The following SCAMP1 variants were observed in gnomAD, a reference collection of about 807,000 sequenced individuals.
The protein encoded by SCAMP1 is secretory carrier membrane protein 1.
Under a neutral mutation model 41.8 loss-of-function variants are expected in SCAMP1, and 15 were observed. The observed-to-expected ratio is 0.36, with a 90% confidence interval of 0.24 to 0.55. The LOEUF (loss-of-function observed/expected upper bound fraction) is 0.55. Ranked by LOEUF, SCAMP1 falls within the 20% of genes least tolerant of loss-of-function variation. The probability of loss-of-function intolerance (pLI) is 0.86; values close to 1 mark genes in which losing one functional copy is unlikely to be tolerated. For synonymous variants in SCAMP1, 135 were observed against 136.8 expected, an observed-to-expected ratio of 0.99 and a Z score of 0.09; for missense variants, 341 against 412.6, an observed-to-expected ratio of 0.83 and a Z score of 1.50.
intron 8 of SCAMP1, among the ~76,000 whole-genome samples, chr5:78,466,595 A>G (rs1753756794): frequency 6.6e-6 from 1 of 151,932 alleles, no homozygotes; most frequent in Admixed American, 6.6e-5. Flanking sequence ...AGCTGGGGCT[A>G]GGAGAATTGT....
chr5:78,446,578 G>A (rs1361610205), intron 6 of SCAMP1, among the ~76,000 whole-genome samples: 1 of 152,086 alleles, frequency 6.6e-6, no homozygotes, highest in East Asian at 1.9e-4. Flanking sequence ...CTTTAGAAGT[G>A]TCTGTTTCAA....
intron 2 of SCAMP1, among the ~76,000 whole-genome samples, chr5:78,414,662 C>T (rs1261973883): frequency 1.3e-5 from 2 of 152,188 alleles, no homozygotes; most frequent in Non-Finnish European, 2.9e-5. Context: ...TATGTATATA[C>T]AGTAATTTAA....
chr5:78,446,922 G>A (rs1171408633), intron 6 of SCAMP1, among the ~76,000 whole-genome samples: 1 of 152,212 alleles, frequency 6.6e-6, no homozygotes, highest in African/African-American at 2.4e-5. Flanking sequence ...CCCCTGGGCT[G>A]TGGGCTTGTA....
intron 8 of SCAMP1, among the ~76,000 whole-genome samples, chr5:78,460,793 C>CTTTGGT (rs1561287109): frequency 6.3e-5 from 3 of 47,258 alleles, no homozygotes; most frequent in African/African-American, 2.4e-4. Flanking sequence ...TCCTTCCTTC[C>CTTTGGT]TTCCTTCCTT....
chr5:78,370,888 A>G (rs1398216640), intron 1 of SCAMP1: 2 of 152,100 alleles, frequency 1.3e-5, no homozygotes, highest in Non-Finnish European at 2.9e-5. Context: ...GTGAAGTGGT[A>G]TCTTGTGGTT....
At chr5:78,401,093 T>G (rs979546311) in intron 2 of SCAMP1, among the ~76,000 whole-genome samples, 2 of 152,162 alleles carry the variant, frequency 1.3e-5, no homozygotes, top group Non-Finnish European at 2.9e-5. Context: ...TCTACTGATA[T>G]GGTCATATGA....
rs189969594 is a variant in SCAMP1, at chr5:78,451,998, C to T, written c.734+1964C>T. Among the ~76,000 whole-genome samples the T allele has an allele frequency of 2.7e-3, 405 of 152,236 alleles. 10 individuals are homozygous for T. The highest frequency in any genetic ancestry group is 0.023 in the Admixed American group (357 of 15,282). On this transcript the variant is annotated intron_variant, in intron 7 of 8. Transcript: ENST00000621999. ...AGTATTCTATGATATGGATGTATCACAGGTTATTTAACTGTTCACCAGTTG... is the reference window on the plus strand; with the variant it reads ...AGTATTCTATGATATGGATGTATCATAGGTTATTTAACTGTTCACCAGTTG...
rs577882554 is a variant in SCAMP1 at position 78,461,667 on chromosome 5, A to T, written c.852+2305A>T. The stretch of plus-strand genomic sequence containing the variant: ...CCCTCAGCCTCCCCAGGTTCAAGTG[A>T]TTCTCATGCCTCAGACAGCCAAGTA... On this transcript the variant is annotated intron_variant, in intron 8 of 8. Transcript: ENST00000621999. 2.0e-5 allele frequency among the ~76,000 whole-genome samples: 3 copies of T among 152,204 alleles called. No homozygotes were observed. The East Asian group carries it at 5.8e-4, about 29-fold the overall frequency.
At chr5:78,458,214 T>C (rs978232437) in intron 7 of SCAMP1, among the ~76,000 whole-genome samples, 1 of 152,028 alleles carries the variant, frequency 6.6e-6, no homozygotes, top group African/African-American at 2.4e-5. Flanking sequence ...CCTCTCCGCA[T>C]GTTTAGTTTT....
chr5:78,410,814 T>C (rs1752056910), intron 2 of SCAMP1, among the ~76,000 whole-genome samples: 1 of 152,192 alleles, frequency 6.6e-6, no homozygotes, highest in Non-Finnish European at 1.5e-5. Flanking sequence ...ATCTGTTGTT[T>C]TCTGACTTTT....
At chr5:78,399,380 T>C (rs762293983) in intron 2 of SCAMP1, among the ~76,000 whole-genome samples, 2 of 152,258 alleles carry the variant, frequency 1.3e-5, no homozygotes, top group Non-Finnish European at 2.9e-5. Flanking sequence ...TGTTTAGTTT[T>C]GTAAGAAACT....
chr5:78,385,082 C>G (rs1751310069), intron 1 of SCAMP1, among the ~76,000 whole-genome samples: 1 of 151,862 alleles, frequency 6.6e-6, no homozygotes, highest in Non-Finnish European at 1.5e-5. Flanking sequence ...TGGCCATGGA[C>G]TTTTTTTTGT....
chr5:78,363,349 A>C (rs760963205), intron 1 of SCAMP1, among the ~76,000 whole-genome samples: 6 of 151,592 alleles, frequency 4.0e-5, no homozygotes, highest in Non-Finnish European at 8.8e-5. Flanking sequence ...AGTAGCTGGG[A>C]CTACAGGCGC....
chr5:78,456,281 G>T (rs1049587561), intron 7 of SCAMP1, among the ~76,000 whole-genome samples: 1 of 150,370 alleles, frequency 6.7e-6, no homozygotes, highest in Non-Finnish European at 1.5e-5. Context: ...TCCTAGTCTC[G>T]ATGGTCTTTA....
chr5:78,430,087 A>G (rs1285329631), intron 6 of SCAMP1, among the ~76,000 whole-genome samples: 7 of 72,704 alleles, frequency 9.6e-5, no homozygotes, highest in African/African-American at 3.6e-4. Context: ...TAAATACAGT[A>G]TTTATTTATA....
At chr5:78,363,465 T>C (rs1174796323) in intron 1 of SCAMP1, among the ~76,000 whole-genome samples, 4 of 152,234 alleles carry the variant, frequency 2.6e-5, no homozygotes, top group African/African-American at 9.6e-5. Context: ...CGCCTTGGCC[T>C]CCCAAAGTGC....
chr5:78,457,037 A>G (rs369829093), intron 7 of SCAMP1, among the ~76,000 whole-genome samples: 2 of 124,964 alleles, frequency 1.6e-5, no homozygotes, highest in Admixed American at 1.5e-4. Flanking sequence ...CAGCTCCATC[A>G]GCTCCTTTAA....
chr5:78,402,602 G>A (rs1274098355), intron 2 of SCAMP1, among the ~76,000 whole-genome samples: 1 of 152,056 alleles, frequency 6.6e-6, no homozygotes, highest in African/African-American at 2.4e-5. Flanking sequence ...TCTTTGCTTT[G>A]AGTCTGCTTT....
At chr5:78,401,901 C>A (rs1751808031) in intron 2 of SCAMP1, among the ~76,000 whole-genome samples, 1 of 151,888 alleles carries the variant, frequency 6.6e-6, no homozygotes, top group Non-Finnish European at 1.5e-5. Context: ...TTCTAATTTC[C>A]TAACATGGAA....
Sources: allele counts gnomAD v4.1 joint callset (sites outside exome capture counted in the v4.1 genomes callset), GRCh38; gene constraint gnomAD v4.1.1; transcripts MANE v1.5; gene names NCBI Gene and HGNC (gene_info 2026-07-23, HGNC 2026-07-21).